The following PLPPR5 variants were observed in gnomAD, a reference collection of about 807,000 sequenced individuals.
PLPPR5 encodes the protein phospholipid phosphatase-related protein type 5.
PLPPR5 carries 16 observed loss-of-function variants against 33.9 expected under a neutral mutation model. The observed-to-expected ratio is 0.47, with a 90% CI of 0.32 to 0.72. The LOEUF is 0.72. Among genes scored for constraint, PLPPR5 ranks in the 30% least tolerant of loss-of-function variants. The pLI is 0.03. For missense variants in PLPPR5, 301 were observed against 406.7 expected, an observed-to-expected ratio of 0.74 and a Z score of 2.23; for synonymous variants, 163 against 150.3, an observed-to-expected ratio of 1.08 and a Z score of -0.62.
chr1:98,917,956 T>G (rs1649418487), intron 4 of PLPPR5, among the ~76,000 whole-genome samples: 1 of 152,206 alleles, frequency 6.6e-6, no homozygotes, highest in African/African-American at 2.4e-5. Context: ...CTTATATAAT[T>G]TAATGTTACT....
intron 1 of PLPPR5, among the ~76,000 whole-genome samples, chr1:98,974,239 G>A (rs540447839): frequency 1.3e-5 from 2 of 152,126 alleles, no homozygotes; most frequent in African/African-American, 4.8e-5. Flanking sequence ...TTTCAAGACA[G>A]GGGTCCTCGA....
chr1:98,947,410 T>C (rs1350928554), intron 3 of PLPPR5, among the ~76,000 whole-genome samples: 1 of 152,128 alleles, frequency 6.6e-6, no homozygotes, highest in African/African-American at 2.4e-5. Context: ...CAAGTAAAAT[T>C]AAGGTAAGGA....
intron 1 of PLPPR5, among the ~76,000 whole-genome samples, chr1:98,964,268 T>C (rs1651355917): frequency 6.6e-6 from 1 of 152,184 alleles, no homozygotes. Flanking sequence ...AGAGTTGAGA[T>C]GATGAACAGT....
chr1:98,967,866 G>C (rs1169169959), intron 1 of PLPPR5, among the ~76,000 whole-genome samples: 1 of 152,110 alleles, frequency 6.6e-6, no homozygotes, highest in Admixed American at 6.6e-5. Context: ...TTTGGTAAGG[G>C]AGTAAAGGAG....
chr1:98,960,466 C>G (rs919517156), intron 1 of PLPPR5, among the ~76,000 whole-genome samples: 8 of 152,116 alleles, frequency 5.3e-5, no homozygotes, highest in Admixed American at 4.6e-4. Context: ...TGCCTCCCGA[C>G]GTGCTAGGAT....
At chr1:98,967,150 A>G (rs575673535) in intron 1 of PLPPR5, among the ~76,000 whole-genome samples, 1 of 152,154 alleles carries the variant, frequency 6.6e-6, no homozygotes, top group Non-Finnish European at 1.5e-5. Flanking sequence ...TATTCTAGGT[A>G]TTGCAATAAA....
At chr1:98,922,969 A>G (rs976893969) in intron 3 of PLPPR5, among the ~76,000 whole-genome samples, 5 of 151,380 alleles carry the variant, frequency 3.3e-5, no homozygotes, top group African/African-American at 1.2e-4. Flanking sequence ...TGGGTGACAG[A>G]GCGAGACTCT....
chr1:98,940,288 G>A (rs776960180), intron 3 of PLPPR5, among the ~76,000 whole-genome samples: 1 of 151,862 alleles, frequency 6.6e-6, no homozygotes, highest in Non-Finnish European at 1.5e-5. Flanking sequence ...TCCTCACATG[G>A]TGGAGAGAGC....
intron 5 of PLPPR5, among the ~76,000 whole-genome samples, chr1:98,895,887 T>G (rs554669536): frequency 6.6e-6 from 1 of 151,856 alleles, no homozygotes; most frequent in African/African-American, 2.4e-5. Context: ...AAGAGAAAAT[T>G]AAGGGGAAAT....
intron 1 of PLPPR5, among the ~76,000 whole-genome samples, chr1:98,976,341 T>C (rs576497354): frequency 3.3e-5 from 5 of 152,028 alleles, no homozygotes; most frequent in Non-Finnish European, 5.9e-5. Context: ...CTAACATTGA[T>C]GAAAAAGTGT....
chr1:98,990,094 C>T (rs1278697382), intron 1 of PLPPR5, among the ~76,000 whole-genome samples: 1 of 152,074 alleles, frequency 6.6e-6, no homozygotes, highest in South Asian at 2.1e-4. Context: ...AAAGAAAGAG[C>T]AGGCCAGGCA....
intron 3 of PLPPR5, among the ~76,000 whole-genome samples, chr1:98,938,910 T>C (rs2101188559): frequency 6.6e-6 from 1 of 152,198 alleles, no homozygotes; most frequent in East Asian, 1.9e-4. Flanking sequence ...ATGTTCTCAC[T>C]TACAAGTGGG....
intron 3 of PLPPR5, among the ~76,000 whole-genome samples, chr1:98,939,853 G>A (rs940868549): frequency 1.3e-5 from 2 of 151,802 alleles, no homozygotes; most frequent in Admixed American, 6.6e-5. Context: ...CCTCATTTTC[G>A]AGCCTCTCCT....
chr1:99,004,070 G>A (rs1226073731), intron 1 of PLPPR5, among the ~76,000 whole-genome samples: 1 of 152,144 alleles, frequency 6.6e-6, no homozygotes. Context: ...CGAAGAGGAG[G>A]CAGTGAGCGA....
At chr1:98,977,188 C>T (rs1380262107) in intron 1 of PLPPR5, among the ~76,000 whole-genome samples, 1 of 151,970 alleles carries the variant, frequency 6.6e-6, no homozygotes, top group Non-Finnish European at 1.5e-5. Context: ...ACTGGGCATA[C>T]ATTTGTGGAT....
At chr1:98,894,155 G>GA (rs1329369320) in intron 5 of PLPPR5, among the ~76,000 whole-genome samples, 2 of 151,894 alleles carry the variant, frequency 1.3e-5, no homozygotes, top group East Asian at 1.9e-4. Flanking sequence ...CTTAATACTA[G>GA]AAAAAAACAA....
chr1:98,918,432 G>T (rs1649437579), intron 4 of PLPPR5, among the ~76,000 whole-genome samples: 1 of 152,170 alleles, frequency 6.6e-6, no homozygotes, highest in South Asian at 2.1e-4. Flanking sequence ...GAGCTCTTCT[G>T]CCTGACACTG....
chr1:98,964,351 G>A (rs886930295), intron 1 of PLPPR5, among the ~76,000 whole-genome samples: 8 of 152,134 alleles, frequency 5.3e-5, no homozygotes, highest in African/African-American at 1.9e-4. Context: ...TATAGAGGAG[G>A]AGAAAGAAGC....
intron 1 of PLPPR5, among the ~76,000 whole-genome samples, chr1:98,961,345 C>T (rs1218212667): frequency 6.6e-6 from 1 of 152,172 alleles, no homozygotes; most frequent in African/African-American, 2.4e-5. Flanking sequence ...AACTAGAACG[C>T]ATTTGGAGAG....
Sources: gnomAD v4.1 joint callset for allele counts (sites outside exome capture counted in the v4.1 genomes callset) on GRCh38, gnomAD v4.1.1 for gene constraint, MANE v1.5 for transcripts, NCBI Gene and HGNC (gene_info 2026-07-23, HGNC 2026-07-21) for gene names.